Variants in SLC35F1 observed in about 807,000 individuals in gnomAD.
The protein encoded by SLC35F1 is chromosome 6 open reading frame 169.
In SLC35F1, 14 loss-of-function variants were observed where a neutral mutation model predicts 48.7. That is an observed-to-expected ratio of 0.29 (90% confidence interval 0.19 to 0.45). SLC35F1 has a LOEUF of 0.45. Among genes scored for constraint, SLC35F1 ranks in the 20% least tolerant of loss-of-function variants. The pLI is 1.00. For synonymous variants in SLC35F1, 190 were observed against 202.2 expected (o/e 0.94, Z 0.51); for missense variants, 404 against 500.0 (o/e 0.81, Z 1.83).
intron 1 of SLC35F1, among the ~76,000 whole-genome samples, chr6:118,142,874 A>G (rs368744127): frequency 1.8e-3 from 272 of 152,114 alleles, no homozygotes; most frequent in African/African-American, 6.3e-3. Flanking sequence ...GCTAGCCTCC[A>G]CTCTGAATTT....
chr6:118,019,776 G>C (rs1777370570), intron 1 of SLC35F1, among the ~76,000 whole-genome samples: 1 of 152,060 alleles, frequency 6.6e-6, no homozygotes, highest in African/African-American at 2.4e-5. Context: ...GAAGAGGGAA[G>C]AAAGAGAAAC....
intron 3 of SLC35F1, among the ~76,000 whole-genome samples, chr6:118,242,384 A>AT (rs1422088906): frequency 6.6e-6 from 1 of 151,972 alleles, no homozygotes; most frequent in East Asian, 1.9e-4. Context: ...GAAGCTAAAA[A>AT]AGTTAACACT....
intron 3 of SLC35F1, among the ~76,000 whole-genome samples, chr6:118,243,590 T>A (rs900585401): frequency 1.2e-4 from 18 of 152,208 alleles, no homozygotes; most frequent in African/African-American, 4.3e-4. Context: ...ACCAGCTCCA[T>A]GGAGACACAG....
At position 118,089,622 on chromosome 6, in the gene SLC35F1, A is replaced by G. The variant is rs902778568; in HGVS notation, c.174-64823A>G. Among the ~76,000 whole-genome samples the G allele has an allele frequency of 4.6e-5, 7 of 152,210 alleles. No individual in the cohort carries two copies. In the South Asian group the frequency reaches 8.3e-4, roughly 18 times the overall value. On this transcript the variant is annotated intron_variant, in intron 1 of 7. Coordinates refer to ENST00000360388, the MANE Select transcript of SLC35F1 (RefSeq NM_001029858.4). ...AAAAAACAAAATCAACAACACACAC[A>G]AAGAGGCCTCAAACTGCTACCTAAC...
Position 117,907,329 on chromosome 6 carries a change from G to A in SLC35F1, c.-398G>A, listed in dbSNP as rs1426582648. On this transcript the variant is annotated 5_prime_UTR_variant, in exon 1 of 8. Coordinates refer to ENST00000360388, the MANE Select transcript of SLC35F1 (RefSeq NM_001029858.4). ...GCGGCGCCAGCACAACTGCCGCCGCGCGCCCCGAGGAGACCCGGGCACGAG... is the reference window on the plus strand; with the variant it reads ...GCGGCGCCAGCACAACTGCCGCCGCACGCCCCGAGGAGACCCGGGCACGAG... Among the ~76,000 whole-genome samples the A allele has an allele frequency of 1.3e-5, 2 of 150,956 alleles. No individual in the cohort carries two copies. The highest frequency in any genetic ancestry group is 4.8e-5 in the African/African-American group (2 of 41,270).
At chr6:118,206,396 T>C (rs1774936301) in intron 2 of SLC35F1, among the ~76,000 whole-genome samples, 1 of 152,182 alleles carries the variant, frequency 6.6e-6, no homozygotes, top group Non-Finnish European at 1.5e-5. Context: ...TCCCTAACCT[T>C]ACTTCTTACT....
At chr6:118,081,614 G>GA (rs1772909294) in intron 1 of SLC35F1, among the ~76,000 whole-genome samples, 1 of 152,122 alleles carries the variant, frequency 6.6e-6, no homozygotes, top group Admixed American at 6.5e-5. Context: ...CAGCCTGGGT[G>GA]ACAGAGCAAG....
intron 1 of SLC35F1, among the ~76,000 whole-genome samples, chr6:117,980,169 C>T (rs1300145565): frequency 6.6e-6 from 1 of 152,092 alleles, no homozygotes; most frequent in Non-Finnish European, 1.5e-5. Flanking sequence ...GATTTTGAGA[C>T]AATGTGTGAG....
intron 3 of SLC35F1, among the ~76,000 whole-genome samples, chr6:118,265,845 C>A (rs1775766794): frequency 6.6e-6 from 1 of 152,184 alleles, no homozygotes; most frequent in Non-Finnish European, 1.5e-5. Flanking sequence ...TTGGACAAAT[C>A]ATAAGTTCCT....
chr6:118,081,266 A>G (rs527602737), intron 1 of SLC35F1, among the ~76,000 whole-genome samples: 1 of 152,312 alleles, frequency 6.6e-6, no homozygotes, highest in South Asian at 2.1e-4. Flanking sequence ...AAATGCTCAC[A>G]GAAAAAAGAC....
At chr6:118,291,868 A>G (rs914448175) in intron 7 of SLC35F1, among the ~76,000 whole-genome samples, 2 of 152,202 alleles carry the variant, frequency 1.3e-5, no homozygotes, top group African/African-American at 4.8e-5. Context: ...CTGAAATCCC[A>G]GCATTTTGGG....
chr6:117,990,525 A>G (rs1040082715), intron 1 of SLC35F1, among the ~76,000 whole-genome samples: 3 of 152,224 alleles, frequency 2.0e-5, no homozygotes, highest in South Asian at 2.1e-4. Context: ...GTTGTACAAA[A>G]TAGTGCAGCT....
At chr6:118,205,781 T>C (rs926594524) in intron 2 of SLC35F1, among the ~76,000 whole-genome samples, 2 of 152,204 alleles carry the variant, frequency 1.3e-5, no homozygotes, top group African/African-American at 4.8e-5. Flanking sequence ...TATATTTACA[T>C]ATTATGGAAT....
At chr6:118,177,437 C>A (rs1207675281) in intron 2 of SLC35F1, among the ~76,000 whole-genome samples, 1 of 152,088 alleles carries the variant, frequency 6.6e-6, no homozygotes, top group Non-Finnish European at 1.5e-5. Context: ...CTCCCACATA[C>A]CCTACAGTTA....
At chr6:117,918,639 AGTGTT>A (rs1775857148) in intron 1 of SLC35F1, among the ~76,000 whole-genome samples, 1 of 152,192 alleles carries the variant, frequency 6.6e-6, no homozygotes, top group African/African-American at 2.4e-5. Context: ...ATACTAAAGA[AGTGTT>A]ATGTGTAAAG....
chr6:118,304,213 T>TAATTATGAG (rs1776286121), intron 7 of SLC35F1, among the ~76,000 whole-genome samples: 1 of 152,102 alleles, frequency 6.6e-6, no homozygotes, highest in South Asian at 2.1e-4. Context: ...AGGATTCCTG[T>TAATTATGAG]GACTTATGTA....
At position 118,285,202 on chromosome 6, in the gene SLC35F1, T is replaced by G; in HGVS notation, c.866T>G (p.Phe289Cys). The change falls in exon 7 of 8, where the codon TTT (phenylalanine) becomes TGT (cysteine). Residue 289 changes from phenylalanine (F) to cysteine (C), a missense_variant. Coordinates refer to ENST00000360388, the MANE Select transcript of SLC35F1 (RefSeq NM_001029858.4). ...CCCCCAGGACTGCTCTACGTTGGCTTTAGTGCCTGCATGTTTGGTCTCTAC... is the reference window on the plus strand; with the variant it reads ...CCCCCAGGACTGCTCTACGTTGGCTGTAGTGCCTGCATGTTTGGTCTCTAC... Reference protein sequence around the residue: ...DWQIGLLYVGFSACMFGLYSF... With the variant: ...DWQIGLLYVGCSACMFGLYSF... 6.2e-7 allele frequency: 1 copy of G among 1,613,878 alleles called. No individual in the cohort carries two copies.
chr6:117,944,922 G>C (rs140418060), intron 1 of SLC35F1, among the ~76,000 whole-genome samples: 173 of 152,270 alleles, frequency 1.1e-3, no homozygotes, highest in African/African-American at 3.9e-3. Context: ...AGGTACAGCA[G>C]GCTTAGGGGG....
chr6:117,908,350 C>T (rs923622060), intron 1 of SLC35F1, among the ~76,000 whole-genome samples: 5 of 152,210 alleles, frequency 3.3e-5, no homozygotes, highest in Non-Finnish European at 7.4e-5. Flanking sequence ...CTCCGCCCCG[C>T]CCCGCCCGGG....
Sources: gnomAD v4.1 joint callset for allele counts (sites outside exome capture counted in the v4.1 genomes callset) on GRCh38, gnomAD v4.1.1 for gene constraint, MANE v1.5 for transcripts, NCBI Gene and HGNC (gene_info 2026-07-23, HGNC 2026-07-21) for gene names.